Variants in HEATR5B observed in about 807,000 individuals in gnomAD.
HEATR5B encodes HEAT repeat-containing protein 5B.
HEATR5B carries 156 observed loss-of-function variants against 224.1 expected under a neutral mutation model. The observed-to-expected ratio is 0.70, with a 90% confidence interval of 0.61 to 0.80. HEATR5B has a LOEUF of 0.80. Among genes scored for constraint, HEATR5B ranks in the 30% least tolerant of loss-of-function variants. The pLI is 0.00. For missense variants in HEATR5B, 2,323 were observed against 2,535.5 expected (o/e 0.92, Z 1.80); for synonymous variants, 1,027 against 893.0 (o/e 1.15, Z -2.68).
rs80131713 is a variant in HEATR5B, at chr2:37,059,227, T to G, written c.1850-240A>C. On this transcript the variant is annotated intron_variant, in intron 12 of 35. Transcript: ENST00000233099. Reference sequence around the variant, plus strand: ...AGAAGGTACTGGTTAGAGAGATTCTTCGGGTGGAAATTCAGAGGACTATGA... The same window carrying G: ...AGAAGGTACTGGTTAGAGAGATTCTGCGGGTGGAAATTCAGAGGACTATGA... Among the ~76,000 whole-genome samples the G allele has an allele frequency of 0.058, 8,795 of 151,072 alleles. 323 individuals carry two copies. Among genetic ancestry groups the G allele is most frequent in the Non-Finnish European group, 0.085 (5,750 of 67,756 alleles).
At position 36,990,718 on chromosome 2, in the gene HEATR5B, A is replaced by G. The variant is rs745605612; in HGVS notation, c.5627T>C (p.Ile1876Thr). ...LFLWSASNEI[I>T]GVQSLQNGCM... ...GCCATTCTGTAATGACTGGACTCCT[A>G]TTATTTCATTACTAGCAGACCACAG... Residue 1876 changes from isoleucine to threonine, a missense_variant, in exon 34 of 36, where the codon ATA becomes ACA. Ile to Thr is a moderately conservative substitution (Grantham distance 89). This residue lies in a region of HEATR5B where 844 missense variants were observed against 812.9 expected (regional missense o/e 1.04). Transcript: ENST00000233099. 6.2e-7 allele frequency: 1 copy of G among 1,612,176 alleles called. No individual in the cohort carries two copies.
At position 37,049,669 on chromosome 2, in the gene HEATR5B, G is replaced by A. The variant is rs948500960; in HGVS notation, c.2680C>T (p.Gln894Ter). 9 of 1,613,438 alleles carry A rather than the reference G, an allele frequency of 5.6e-6. No homozygotes were observed. Residue 894 changes from glutamine to a stop codon, truncating the protein, a stop_gained, in exon 18 of 36, where the codon CAA (glutamine) becomes TAA (stop). Coordinates refer to ENST00000233099, the MANE Select transcript of HEATR5B (RefSeq NM_019024.3). LOFTEE classifies it high-confidence loss of function. ...GEATFIARMA[Q>*]YSFDKLKSAR... is the part of the protein sequence containing the mutation. ...CCCACTTACTTGTCAAAGCTATATT[G>A]GGCCATTCTAGCAATAAAAGTTGCT...
intron 10 of HEATR5B, among the ~76,000 whole-genome samples, chr2:37,063,808 T>TTTTTA (rs1203447072): frequency 6.6e-6 from 1 of 152,086 alleles, no homozygotes; most frequent in Non-Finnish European, 1.5e-5. Context: ...CTACTCATAT[T>TTTTTA]TTTTATTTTA....
intron 18 of HEATR5B, among the ~76,000 whole-genome samples, chr2:37,044,432 T>C (rs891421689): frequency 3.9e-5 from 6 of 152,222 alleles, no homozygotes; most frequent in African/African-American, 1.2e-4. Context: ...ATCCAATTTA[T>C]TGTAAAAGTA....
intron 34 of HEATR5B, among the ~76,000 whole-genome samples, chr2:36,990,244 G>C (rs1248521165): frequency 3.9e-5 from 6 of 152,116 alleles, no homozygotes. Context: ...GCAGGCTTGA[G>C]AATCAAGTTT....
In HEATR5B at chr2:36,981,503, G is replaced by C. The variant is rs1665578066; in HGVS notation, c.6203C>G (p.Thr2068Arg). The change falls in exon 36 of 36, where the codon ACA becomes AGA. Residue 2068 changes from threonine (T) to arginine (R), a missense_variant. Thr to Arg is a moderately conservative substitution (Grantham distance 71). Coordinates refer to ENST00000233099, the MANE Select transcript of HEATR5B (RefSeq NM_019024.3). ...TGAAATTACAAATTAAAAAAAACTTGTTTTTAGCTTAATTGTTGGTGCAGA... is the reference window on the plus strand; with the variant it reads ...TGAAATTACAAATTAAAAAAAACTTCTTTTTAGCTTAATTGTTGGTGCAGA... ...IHSAPTIKLKTSFF is the reference protein window; with the variant it reads ...IHSAPTIKLKRSFF 1 of 1,595,884 alleles carries C rather than the reference G, an allele frequency of 6.3e-7. No individual in the cohort carries two copies. The highest frequency in any genetic ancestry group is 1.4e-5 in the African/African-American group (1 of 73,800).
chr2:37,082,568 C>T (rs919257559), intron 2 of HEATR5B, among the ~76,000 whole-genome samples: 2 of 152,228 alleles, frequency 1.3e-5, no homozygotes, highest in Non-Finnish European at 2.9e-5. Flanking sequence ...TAAAGGCGCT[C>T]TTAAACCACA....
chr2:36,995,172 C>T (rs534760446), intron 33 of HEATR5B, among the ~76,000 whole-genome samples: 4 of 148,948 alleles, frequency 2.7e-5, no homozygotes, highest in Admixed American at 1.3e-4. Context: ...TCACTGCAAC[C>T]TCTGCCTCCT....
intron 26 of HEATR5B, among the ~76,000 whole-genome samples, chr2:37,014,679 TAAA>T (rs1191901744): frequency 7.2e-6 from 1 of 138,362 alleles, no homozygotes; most frequent in Non-Finnish European, 1.6e-5. Context: ...AAGGGGACTT[TAAA>T]AAAAAAAAAA....
chr2:37,077,068 A>G (rs772541306), intron 3 of HEATR5B, 49 bp from the exon 4 acceptor site: 6 of 1,404,510 alleles, frequency 4.3e-6, no homozygotes, highest in Non-Finnish European at 6.0e-6. Flanking sequence ...TAATGATACA[A>G]TTATACTTTT....
intron 17 of HEATR5B, among the ~76,000 whole-genome samples, chr2:37,052,213 T>TA (rs1383895146): frequency 1.3e-5 from 2 of 152,204 alleles, no homozygotes; most frequent in Non-Finnish European, 2.9e-5. Flanking sequence ...CACTTTATGA[T>TA]AGAGTGCCTA....
intron 10 of HEATR5B, 21 bp from the exon 11 acceptor site, chr2:37,062,071 T>A (rs1292954089): frequency 7.4e-7 from 1 of 1,347,592 alleles, no homozygotes; most frequent in Non-Finnish European, 1.1e-6. Flanking sequence ...AGTTTAGAAT[T>A]GGATTTTAAT....
chr2:37,079,939 G>A (rs1672452114), intron 2 of HEATR5B, among the ~76,000 whole-genome samples: 1 of 152,216 alleles, frequency 6.6e-6, no homozygotes, highest in Non-Finnish European at 1.5e-5. Flanking sequence ...AGGAGGGACA[G>A]AGTTTACCAA....
At chr2:37,026,934 G>A (rs1048689199) in intron 24 of HEATR5B, among the ~76,000 whole-genome samples, 2 of 152,156 alleles carry the variant, frequency 1.3e-5, no homozygotes, top group African/African-American at 4.8e-5. Context: ...GAGTAGCTGG[G>A]ACTACAGGCA....
In HEATR5B at chr2:37,058,934, G is replaced by A. The variant is rs776521212; in HGVS notation, c.1903C>T (p.Arg635Ter). The change falls in exon 13 of 36, where the codon CGA (arginine) becomes TGA (stop). Residue 635 changes from arginine (R) to a stop codon, truncating the protein, a stop_gained. Coordinates refer to ENST00000233099, the MANE Select transcript of HEATR5B (RefSeq NM_019024.3). LOFTEE classifies it high-confidence loss of function. ...CATTCAATAGGGGTCATCAATTTTCGAATCACATCTTCAGTTAGTAGCTCA... is the reference window on the plus strand; with the variant it reads ...CATTCAATAGGGGTCATCAATTTTCAAATCACATCTTCAGTTAGTAGCTCA... ...CPELLTEDVIRKLMTPIECAM... is the reference protein window; with the variant it reads ...CPELLTEDVI 5 of 1,611,132 alleles carry A rather than the reference G, an allele frequency of 3.1e-6. No individual in the cohort carries two copies. Among genetic ancestry groups the A allele is most frequent in the Admixed American group, 1.7e-5 (1 of 59,948 alleles).
intron 30 of HEATR5B, among the ~76,000 whole-genome samples, chr2:37,004,647 T>C (rs1402375119): frequency 1.3e-5 from 2 of 152,092 alleles, no homozygotes; most frequent in Non-Finnish European, 2.9e-5. Flanking sequence ...CTCATTTCTG[T>C]GCTTATTTAC....
Position 37,020,795 on chromosome 2 carries a change from C to T in HEATR5B, c.3895G>A (p.Ala1299Thr). Reference sequence around the variant, plus strand: ...CTATGATCAGTTGCAGCCATGAATGCCATGCGAATGAGGTCAGAGAGATGA... The same window carrying T: ...CTATGATCAGTTGCAGCCATGAATGTCATGCGAATGAGGTCAGAGAGATGA... ...VLHLSDLIRM[A>T]FMAATDHSNQ... is the part of the protein sequence containing the mutation. Residue 1299 changes from alanine to threonine, a missense_variant, in exon 25 of 36, where the codon GCA becomes ACA. Coordinates refer to ENST00000233099, the MANE Select transcript of HEATR5B (RefSeq NM_019024.3). 6.3e-7 allele frequency: 1 copy of T among 1,598,372 alleles called. No individual in the cohort carries two copies. The highest frequency in any genetic ancestry group is 1.8e-5 in the Admixed American group (1 of 54,276).
chr2:37,065,120 G>T (rs1671510861), intron 9 of HEATR5B, 130 bp from the exon 10 acceptor site: 2 of 850,106 alleles, frequency 2.4e-6, no homozygotes, highest in South Asian at 3.5e-5. Flanking sequence ...CCACAACTTT[G>T]CCTAAAACTA....
At chr2:36,997,857 C>T (rs889706191) in intron 33 of HEATR5B, among the ~76,000 whole-genome samples, 8 of 152,076 alleles carry the variant, frequency 5.3e-5, no homozygotes, top group African/African-American at 7.2e-5. Flanking sequence ...TGAGCCACCA[C>T]GCCGACCAGT....
Sources: gnomAD v4.1 joint callset for allele counts (sites outside exome capture counted in the v4.1 genomes callset) on GRCh38, gnomAD v4.1.1 for gene constraint, gnomAD v4.1.1 regional missense constraint, MANE v1.5 for transcripts, NCBI Gene and HGNC (gene_info 2026-07-23, HGNC 2026-07-21) for gene names.